DGCR8: variants seen among roughly 807,000 people sequenced by gnomAD.
The protein encoded by DGCR8 is microprocessor complex subunit DGCR8.
A neutral mutation model predicts 78.5 loss-of-function variants in DGCR8; 14 were observed. The observed-to-expected ratio is 0.18, with a 90% CI of 0.12 to 0.28. DGCR8 has a LOEUF of 0.28. DGCR8 is among the 10% of genes least tolerant of loss of function. The pLI is 1.00. For synonymous variants in DGCR8, 399 were observed against 402.4 expected (o/e 0.99, Z 0.10); for missense variants, 702 against 1,022.5 (o/e 0.69, Z 4.28).
intron 7 of DGCR8, among the ~76,000 whole-genome samples, chr22:20,092,185 C>T (rs1568955529): frequency 6.6e-6 from 1 of 152,192 alleles, no homozygotes; most frequent in African/African-American, 2.4e-5. Flanking sequence ...TCTGTCCCCT[C>T]TCCCCACCTT....
In DGCR8 at chr22:20,090,144, A is replaced by G. The variant is rs998483119; in HGVS notation, c.1192A>G (p.Met398Val). 1 of 1,614,182 alleles carries G rather than the reference A, an allele frequency of 6.2e-7. No individual in the cohort carries two copies. Reference protein sequence around the residue: ...LEFPLDEPDSMGADPGPPDEK... With the variant: ...LEFPLDEPDSVGADPGPPDEK... ...GTTTCCCCTGGATGAGCCTGACTCT[A>G]TGGGTGCTGACCCGGGGCCCCCGGA... Residue 398 changes from methionine (M) to valine (V), a missense_variant, in exon 5 of 14, where the codon ATG becomes GTG. Met to Val is a conservative substitution (Grantham distance 21). Coordinates refer to ENST00000351989, the MANE Select transcript of DGCR8 (RefSeq NM_022720.7).
At position 20,094,317 on chromosome 22, in the gene DGCR8, G is replaced by A. The variant is rs551813297; in HGVS notation, c.1706-396G>A. Among the ~76,000 whole-genome samples the A allele has an allele frequency of 7.2e-5, 11 of 152,280 alleles. No individual in the cohort carries two copies. The South Asian group carries it at 1.7e-3, about 23-fold the overall frequency. On this transcript the variant is annotated intron_variant, in intron 8 of 13. Transcript: ENST00000351989. ...GACCTGGCTGCATCTCTCCACCCAC[G>A]CCAGCCACTGCTGCTGCCACCTGGT...
rs2049492985 is a variant in DGCR8 at position 20,087,018 on chromosome 22, C to G, written c.721-144C>G. ...TGGTAGCTTCATCCTGTTTGTTTTT[C>G]AGATGATCATGCACCCTAAGGGCAC... On this transcript the variant is annotated intron_variant, in intron 2 of 13. Coordinates refer to ENST00000351989, the MANE Select transcript of DGCR8 (RefSeq NM_022720.7). The surrounding 1 kb of genome is among the most constrained non-coding windows in gnomAD (Gnocchi z 4.1). 1 of 1,104,470 alleles carries G rather than the reference C, an allele frequency of 9.1e-7. No homozygotes were observed. The highest frequency in any genetic ancestry group is 1.6e-5 in the African/African-American group (1 of 63,614). 68.4% of individuals were successfully genotyped at this position (1,104,470 alleles called of 1,614,324 possible).
intron 1 of DGCR8, chr22:20,080,625 C>G: frequency 7.6e-6 from 3 of 395,160 alleles, no homozygotes; most frequent in Non-Finnish European, 1.0e-5. Context: ...GCTGTCCGCC[C>G]GGGTAAAGAG....
At chr22:20,096,931 G>GT (rs528426348) in intron 9 of DGCR8, among the ~76,000 whole-genome samples, 93 of 150,924 alleles carry the variant, frequency 6.2e-4, no homozygotes, top group Non-Finnish European at 8.0e-4. Flanking sequence ...AGATGATCAT[G>GT]TTTTTTTTTG....
In DGCR8 at chr22:20,085,949, T is replaced by C. The variant is rs759216957; in HGVS notation, c.-15T>C. 6.5e-7 allele frequency: 1 copy of C among 1,545,444 alleles called. No individual in the cohort carries two copies. Among genetic ancestry groups the C allele is most frequent in the Admixed American group, 2.0e-5 (1 of 50,884 alleles). On this transcript the variant is annotated 5_prime_UTR_variant, in exon 2 of 14. Coordinates refer to ENST00000351989, the MANE Select transcript of DGCR8 (RefSeq NM_022720.7). The surrounding 1 kb of genome is among the most constrained non-coding windows in gnomAD (Gnocchi z 6.2). ...AAAACTCTGGTCTTGTAAACTAGTC[T>C]TAAGCGCTTTTAATATGGAGACAGA... is the stretch of plus-strand genomic sequence containing the variant.
rs1012531432 is a variant in DGCR8, at chr22:20,085,505, A to G, written c.-277-182A>G. Among the ~76,000 whole-genome samples, 1 of 152,240 alleles carries G rather than the reference A, an allele frequency of 6.6e-6. No individual in the cohort carries two copies. The highest frequency in any genetic ancestry group is 2.4e-5 in the African/African-American group (1 of 41,464). ...AAATATTTAACTTTGGACTTAAGTT[A>G]TAATTCAGGTTCTGAAGAATAAAAG... On this transcript the variant is annotated intron_variant, in intron 1 of 13. Coordinates refer to ENST00000351989, the MANE Select transcript of DGCR8 (RefSeq NM_022720.7). This position sits in a 1 kb window ranked among gnomAD's most constrained non-coding sequence, Gnocchi z 6.2.
Position 20,087,045 on chromosome 22 carries a change from T to C in DGCR8, c.721-117T>C, listed in dbSNP as rs2147916745. Reference sequence around the variant, plus strand: ...GATGATCATGCACCCTAAGGGCACATCTAGGCCCCCTGAGAGCACCTCCTT... The same window carrying C: ...GATGATCATGCACCCTAAGGGCACACCTAGGCCCCCTGAGAGCACCTCCTT... On this transcript the variant is annotated intron_variant, in intron 2 of 13. Coordinates refer to ENST00000351989, the MANE Select transcript of DGCR8 (RefSeq NM_022720.7). The surrounding 1 kb of genome is among the most constrained non-coding windows in gnomAD (Gnocchi z 4.1). 2.2e-6 allele frequency: 3 copies of C among 1,360,610 alleles called. No individual in the cohort carries two copies. The highest frequency in any genetic ancestry group is 2.8e-5 in the South Asian group (2 of 71,658). 84.3% of individuals were successfully genotyped at this position (1,360,610 alleles called of 1,614,324 possible). A position where few individuals can be genotyped will look rare whatever the true frequency, so the allele number is the denominator to read the frequency against.
At chr22:20,107,439 C>T in intron 12 of DGCR8, 41 bp downstream of exon 12, 1 of 1,611,890 alleles carries the variant, frequency 6.2e-7, no homozygotes, top group Non-Finnish European at 8.5e-7. Flanking sequence ...CCTGTGCTGC[C>T]ACCCTGGAGC....
chr22:20,108,712 G>C (rs1602498829), intron 12 of DGCR8, 178 bp from the exon 13 acceptor site: 2 of 475,848 alleles, frequency 4.2e-6, no homozygotes, highest in East Asian at 8.5e-5. Flanking sequence ...AGTGGGCCTG[G>C]CATCACTGAG....
chr22:20,105,194 A>G (rs1350578158), intron 9 of DGCR8, among the ~76,000 whole-genome samples: 1 of 152,144 alleles, frequency 6.6e-6, no homozygotes, highest in Non-Finnish European at 1.5e-5. Flanking sequence ...AAGAGGGAGG[A>G]GGGGCAGGGC....
chr22:20,089,225 TGA>T lies in DGCR8; in HGVS notation c.881-440_881-439del, dbSNP rs1484918422. ...TTTGAAGCAGTGTTTTGTATGCTGCTGAGAGTGCAGCTCAGTTACAATAAAGA... is the reference window on the plus strand; with the variant it reads ...TTTGAAGCAGTGTTTTGTATGCTGCTGAGTGCAGCTCAGTTACAATAAAGA... On this transcript the variant is annotated intron_variant, in intron 3 of 13. Transcript: ENST00000351989. The surrounding 1 kb of genome is among the most constrained non-coding windows in gnomAD (Gnocchi z 4.9). Among the ~76,000 whole-genome samples, 2 of 150,096 alleles carry T rather than the reference TGA, an allele frequency of 1.3e-5. No individual in the cohort carries two copies. Among genetic ancestry groups the T allele is most frequent in the African/African-American group, 4.8e-5 (2 of 41,408 alleles).
chr22:20,105,338 A>G (rs981470653), intron 9 of DGCR8, among the ~76,000 whole-genome samples: 4 of 152,160 alleles, frequency 2.6e-5, no homozygotes, highest in Admixed American at 6.5e-5. Flanking sequence ...AGACTTCAGA[A>G]TGGTGAGAGA....
Position 20,110,210 on chromosome 22 carries a change from T to C in DGCR8, c.*102T>C, listed in dbSNP as rs2049821414. 3 of 1,240,804 alleles carry C rather than the reference T, an allele frequency of 2.4e-6. No homozygotes were observed. 76.9% of individuals were successfully genotyped at this position (1,240,804 alleles called of 1,614,324 possible). A position where few individuals can be genotyped will look rare whatever the true frequency, so the allele number is the denominator to read the frequency against. ...ACAGTGTCAGGCCTCCAACCCACGC[T>C]CCTTCCCTGTGGCCAACCTGTGGGC... On this transcript the variant is annotated 3_prime_UTR_variant, in exon 14 of 14. Coordinates refer to ENST00000351989, the MANE Select transcript of DGCR8 (RefSeq NM_022720.7).
chr22:20,087,503 A>G lies in DGCR8; in HGVS notation c.880+182A>G, dbSNP rs1170953780. ...GGATGGGAGGACGTCCTGATGCATG[A>G]CCCAGATGCGGATCCTGGTGTGTGC... On this transcript the variant is annotated intron_variant, in intron 3 of 13. Coordinates refer to ENST00000351989, the MANE Select transcript of DGCR8 (RefSeq NM_022720.7). This position sits in a 1 kb window ranked among gnomAD's most constrained non-coding sequence, Gnocchi z 4.1. Among the ~76,000 whole-genome samples, 1 of 152,002 alleles carries G rather than the reference A, an allele frequency of 6.6e-6. No homozygotes were observed. Among genetic ancestry groups the G allele is most frequent in the African/African-American group, 2.4e-5 (1 of 41,372 alleles).
rs972762006 is a variant in DGCR8 at position 20,106,708 on chromosome 22, C to T, written c.1996+10C>T. On this transcript the variant is annotated intron_variant, in intron 11 of 13. Transcript: ENST00000351989. ...ACAGTGCGCGGGTGGTGTAAGGACT[C>T]CTTCTCTGCTGCCTGGTGGCCGCTG... The T allele has an allele frequency of 6.3e-7, 1 of 1,599,340 alleles. No homozygotes were observed. The highest frequency in any genetic ancestry group is 8.6e-7 in the Non-Finnish European group (1 of 1,166,666).
intron 9 of DGCR8, chr22:20,101,418 CAT>C (rs2049699983): frequency 1.4e-6 from 1 of 699,152 alleles, no homozygotes. Flanking sequence ...CTACTAAAAA[CAT>C]ACAAAAAATT....
intron 9 of DGCR8, among the ~76,000 whole-genome samples, chr22:20,095,698 A>G (rs1357693271): frequency 6.6e-6 from 1 of 152,098 alleles, no homozygotes; most frequent in Non-Finnish European, 1.5e-5. Context: ...TTTCAGGATG[A>G]CTCAAGCACA....
At chr22:20,088,380 A>G (rs1040876035) in intron 3 of DGCR8, among the ~76,000 whole-genome samples, 6 of 152,142 alleles carry the variant, frequency 3.9e-5, no homozygotes, top group African/African-American at 1.4e-4. Flanking sequence ...TGCACAGCTC[A>G]CTGGTCAGCA....
Sources: allele counts gnomAD v4.1 joint callset (sites outside exome capture counted in the v4.1 genomes callset), GRCh38; gene constraint gnomAD v4.1.1; non-coding constraint Gnocchi (gnomAD v3.1); transcripts MANE v1.5; gene names NCBI Gene and HGNC (gene_info 2026-07-23, HGNC 2026-07-21).